The following AXIN1 variants were observed in gnomAD, a reference collection of about 807,000 sequenced individuals.
AXIN1 encodes the protein axin 1, also known as axin-1.
AXIN1 carries 30 observed loss-of-function variants against 76.4 expected under a neutral mutation model. That is an observed-to-expected ratio of 0.39 (90% CI 0.29 to 0.53). The LOEUF (loss-of-function observed/expected upper bound fraction) is 0.53. Among genes scored for constraint, AXIN1 ranks in the 20% least tolerant of loss-of-function variants. The probability of loss-of-function intolerance (pLI) is 0.66; values close to 1 mark genes in which losing one functional copy is unlikely to be tolerated. For missense variants in AXIN1, 1,140 were observed against 1,198.8 expected, an observed-to-expected ratio of 0.95 and a Z score of 0.72; for synonymous variants, 545 against 501.4, an observed-to-expected ratio of 1.09 and a Z score of -1.16.
intron 1 of AXIN1, among the ~76,000 whole-genome samples, chr16:349,528 A>C (rs1046378205): frequency 3.9e-5 from 6 of 152,178 alleles, no homozygotes; most frequent in Non-Finnish European, 8.8e-5. Context: ...GAAAGTGATT[A>C]ATCAGACAGT....
intron 7 of AXIN1, 69 bp downstream of exon 7, chr16:296,987 C>T (rs2141501141): frequency 6.5e-7 from 1 of 1,546,302 alleles, no homozygotes; most frequent in Non-Finnish European, 8.8e-7. Context: ...GCTGCACACA[C>T]TGAGACTGTG....
rs1341887949 is a variant in AXIN1, at chr16:293,471, C to T, written c.2186+17G>A. 2 of 1,606,568 alleles carry T rather than the reference C, an allele frequency of 1.2e-6. No homozygotes were observed. Among genetic ancestry groups the T allele is most frequent in the Non-Finnish European group, 8.5e-7 (1 of 1,179,266 alleles). On this transcript the variant is annotated intron_variant, in intron 8 of 10. Coordinates refer to ENST00000262320, the MANE Select transcript of AXIN1 (RefSeq NM_003502.4). The surrounding 1 kb of genome is among the most constrained non-coding windows in gnomAD (Gnocchi z 4.6). ...GGTAACCCCCAAGACCCACCCCACCCCACGACGCGGCCGTACCTCTGCTTG... is the reference window on the plus strand; with the variant it reads ...GGTAACCCCCAAGACCCACCCCACCTCACGACGCGGCCGTACCTCTGCTTG...
chr16:289,350 C>T (rs1168663616), intron 10 of AXIN1, 90 bp downstream of exon 10: 25 of 1,538,438 alleles, frequency 1.6e-5, no homozygotes, highest in Non-Finnish European at 2.0e-5. Flanking sequence ...AGGACGTGAG[C>T]CACTGTGCCC....
At chr16:298,364 G>C in intron 5 of AXIN1, 113 bp from the exon 6 acceptor site, 3 of 1,450,178 alleles carry the variant, frequency 2.1e-6, no homozygotes, top group Non-Finnish European at 2.8e-6. Context: ...CCAGCCCAGG[G>C]TGGCCGGGGG....
chr16:327,580 G>GTGTGTTTC, intron 2 of AXIN1, among the ~76,000 whole-genome samples: 1 of 152,366 alleles, frequency 6.6e-6, no homozygotes, highest in Middle Eastern at 3.4e-3. Context: ...TAGGGAGGGT[G>GTGTGTTTC]TGTGTTTCTG....
intron 2 of AXIN1, among the ~76,000 whole-genome samples, chr16:320,851 T>G (rs2053435711): frequency 2.0e-5 from 2 of 101,986 alleles, no homozygotes; most frequent in Admixed American, 9.6e-5. Flanking sequence ...TCGATTCTCC[T>G]GCCTCAGCCT....
intron 2 of AXIN1, among the ~76,000 whole-genome samples, chr16:319,173 T>C (rs2053382001): frequency 6.6e-6 from 1 of 152,100 alleles, no homozygotes; most frequent in South Asian, 2.1e-4. Flanking sequence ...CTTCTGTGTG[T>C]TCAAAGGCTT....
intron 2 of AXIN1, among the ~76,000 whole-genome samples, chr16:344,949 T>C (rs1370475018): frequency 6.6e-6 from 1 of 152,252 alleles, no homozygotes; most frequent in Non-Finnish European, 1.5e-5. Context: ...CACATGGGGC[T>C]GTGCTTTCGG....
chr16:346,118 C>T (rs1368018396), intron 2 of AXIN1, 30 bp downstream of exon 2: 1 of 1,608,446 alleles, frequency 6.2e-7, no homozygotes, highest in Non-Finnish European at 8.5e-7. Context: ...GAGGTGAGTA[C>T]AGAAAGTGGA....
At position 352,451 on chromosome 16, in the gene AXIN1, C is replaced by T; in HGVS notation, c.-164G>A. 1 of 973,500 alleles carries T rather than the reference C, an allele frequency of 1.0e-6. No individual in the cohort carries two copies. The highest frequency in any genetic ancestry group is 1.2e-6 in the Non-Finnish European group (1 of 822,566). The allele number at this position is 973,500 out of a possible 1,614,324, so 60.3% of individuals were successfully genotyped here. On this transcript the variant is annotated 5_prime_UTR_variant, in exon 1 of 11. Coordinates refer to ENST00000262320, the MANE Select transcript of AXIN1 (RefSeq NM_003502.4). ...CGGGCCCATGCGCTCAGCGGCAGCG[C>T]GGCGGGCGGGACCCGGCGGGGGCGC...
At chr16:288,475 C>T (rs914182815) in intron 10 of AXIN1, among the ~76,000 whole-genome samples, 9 of 152,234 alleles carry the variant, frequency 5.9e-5, no homozygotes, top group Non-Finnish European at 1.3e-4. Flanking sequence ...CTGCTGGGAG[C>T]ACCCCACATC....
rs750721042 is a variant in AXIN1 at position 346,495 on chromosome 16, G to A, written c.531C>T (p.Ile177=). Residue 177 remains isoleucine, a synonymous_variant, in exon 2 of 11, where the codon ATC becomes ATT. Transcript: ENST00000262320. The part of the protein sequence containing the change: ...FIKGCIMKQL[I]DPAMFDQAQT... ...GGGCCTGGTCAAACATGGCAGGATC[G>A]ATCAGCTGCTTCATGATGCAGCCCT... 74 of 1,614,056 alleles carry A rather than the reference G, an allele frequency of 4.6e-5. No individual in the cohort carries two copies. In the South Asian group the frequency reaches 5.1e-4, roughly 11 times the overall value.
chr16:291,246 G>C lies in AXIN1; in HGVS notation c.2238C>G (p.Cys746Trp), dbSNP rs142782196. The change falls in exon 9 of 11, where the codon TGC becomes TGG. Residue 746 changes from cysteine (C) to tryptophan (W), a missense_variant. Cys to Trp is a radical substitution (Grantham distance 215). Coordinates refer to ENST00000262320, the MANE Select transcript of AXIN1 (RefSeq NM_003502.4). ...CTGGTACCACGTGCAGCACCGGCGC[G>C]CACGCTGGCCTGACGCAGGCGCGTC... Reference protein sequence around the residue: ...RRGRACVRPACAPVLHVVPAV... With the variant: ...RRGRACVRPAWAPVLHVVPAV... 1 of 1,586,710 alleles carries C rather than the reference G, an allele frequency of 6.3e-7. No individual in the cohort carries two copies.
At position 293,667 on chromosome 16, in the gene AXIN1, G is replaced by A. The variant is rs2141486845; in HGVS notation, c.2007C>T (p.Ser669=). 1 of 1,613,760 alleles carries A rather than the reference G, an allele frequency of 6.2e-7. No homozygotes were observed. Among genetic ancestry groups the A allele is most frequent in the East Asian group, 2.2e-5 (1 of 44,866 alleles). ...GAGGGCCGGCCCAGGGGTGCTCAAG[G>A]GACAAGGGTCTGGAGTTCTCATGGG... is the stretch of plus-strand genomic sequence containing the variant. ...PQPHENSRPL[S]LEHPWAGPQL... The change falls in exon 8 of 11, where the codon TCC becomes TCT. Residue 669 remains serine, a synonymous_variant. Transcript: ENST00000262320. This position sits in a 1 kb window ranked among gnomAD's most constrained non-coding sequence, Gnocchi z 4.6.
intron 2 of AXIN1, among the ~76,000 whole-genome samples, chr16:327,015 G>A (rs982252585): frequency 1.4e-4 from 21 of 151,908 alleles, no homozygotes; most frequent in African/African-American, 4.8e-4. Context: ...GGTGGCGGGT[G>A]CCTGTAGTCC....
chr16:304,342 C>T lies in AXIN1; in HGVS notation c.1216G>A (p.Glu406Lys), dbSNP rs375396918. The change falls in exon 5 of 11, where the codon GAG (glutamate) becomes AAG (lysine). Residue 406 changes from glutamate (E) to lysine (K), a missense_variant. Coordinates refer to ENST00000262320, the MANE Select transcript of AXIN1 (RefSeq NM_003502.4). Reference sequence around the variant, plus strand: ...TTCAGCCGCTCCTCCAGCTTCTCCTCGGCCTCCCGCGTGCGCTGCACAGCC... The same window carrying T: ...TTCAGCCGCTCCTCCAGCTTCTCCTTGGCCTCCCGCGTGCGCTGCACAGCC... ...LEAVQRTREA[E>K]EKLEERLKRV... 2 of 1,612,462 alleles carry T rather than the reference C, an allele frequency of 1.2e-6. No individual in the cohort carries two copies. Among genetic ancestry groups the T allele is most frequent in the Admixed American group, 1.7e-5 (1 of 60,014 alleles).
At chr16:313,266 C>A (rs2053224096) in intron 3 of AXIN1, among the ~76,000 whole-genome samples, 1 of 152,234 alleles carries the variant, frequency 6.6e-6, no homozygotes, top group South Asian at 2.1e-4. Context: ...CGCACCATTG[C>A]AGTCCAGCCT....
rs779513250 is a variant in AXIN1, at chr16:304,336, TCTC to T, written c.1219_1221del (p.Glu407del). 2 of 1,612,428 alleles carry T rather than the reference TCTC, an allele frequency of 1.2e-6. No homozygotes were observed. Among genetic ancestry groups the T allele is most frequent in the Admixed American group, 1.7e-5 (1 of 59,994 alleles). On this transcript the variant is annotated inframe_deletion, in exon 5 of 11. Coordinates refer to ENST00000262320, the MANE Select transcript of AXIN1 (RefSeq NM_003502.4). ...ACGCGCTTCAGCCGCTCCTCCAGCT[TCTC>T]CTCGGCCTCCCGCGTGCGCTGCACA...
intron 5 of AXIN1, among the ~76,000 whole-genome samples, chr16:301,601 G>A (rs2052874904): frequency 6.6e-6 from 1 of 152,086 alleles, no homozygotes; most frequent in Admixed American, 6.6e-5. Flanking sequence ...GACCAGTGTG[G>A]GTAATATAGC....
Sources: gnomAD v4.1 joint callset for allele counts (sites outside exome capture counted in the v4.1 genomes callset) on GRCh38, gnomAD v4.1.1 for gene constraint, Gnocchi (gnomAD v3.1) non-coding constraint, MANE v1.5 for transcripts, NCBI Gene and HGNC (gene_info 2026-07-23, HGNC 2026-07-21) for gene names.